Variants in NRAP observed in about 807,000 individuals in gnomAD.
NRAP encodes the protein nebulin-related-anchoring protein.
Under a neutral mutation model 225.9 loss-of-function variants are expected in NRAP, and 189 were observed. The ratio of observed to expected loss-of-function variants is 0.84; its 90% confidence interval spans 0.74 to 0.94. The LOEUF is 0.94. Among genes scored for constraint, NRAP ranks in the 40% least tolerant of loss-of-function variants. The probability of loss-of-function intolerance (pLI) is 0.00; values close to 1 mark genes in which losing one functional copy is unlikely to be tolerated. For synonymous variants in NRAP, 769 were observed against 790.7 expected, an observed-to-expected ratio of 0.97 and a Z score of 0.46; for missense variants, 2,176 against 2,168.7, an observed-to-expected ratio of 1.00 and a Z score of -0.07.
At chr10:113,635,444 T>C (rs1336673699) in intron 14 of NRAP, among the ~76,000 whole-genome samples, 2 of 152,222 alleles carry the variant, frequency 1.3e-5, no homozygotes, top group Non-Finnish European at 2.9e-5. Context: ...ATTTGTTATT[T>C]AGAGACAGAG....
chr10:113,649,078 G>T (rs1849772921), intron 9 of NRAP, among the ~76,000 whole-genome samples: 1 of 152,074 alleles, frequency 6.6e-6, no homozygotes, highest in Admixed American at 6.5e-5. Context: ...AGCACTAAAA[G>T]ACCACTTAAT....
At chr10:113,641,808 A>G (rs3121469) in intron 12 of NRAP, among the ~76,000 whole-genome samples, 83,729 of 151,528 alleles carry the variant, frequency 0.55, 24,327 homozygotes, top group East Asian at 0.73. Flanking sequence ...ACCATGAGAC[A>G]GTGGCAGGCA....
At chr10:113,600,550 A>C (rs1592734336) in intron 35 of NRAP, among the ~76,000 whole-genome samples, 1 of 152,212 alleles carries the variant, frequency 6.6e-6, no homozygotes, top group Non-Finnish European at 1.5e-5. Flanking sequence ...CAGCAGAGCC[A>C]CCAGCTGCCA....
At position 113,622,028 on chromosome 10, in the gene NRAP, T is replaced by C; in HGVS notation, c.2610A>G (p.Gln870=). Reference sequence around the variant, plus strand: ...GGACCATGTCCAGGGAGACGTGGCATTGGGATTTGGTGTCCTCGAATCCCT... The same window carrying C: ...GGACCATGTCCAGGGAGACGTGGCACTGGGATTTGGTGTCCTCGAATCCCT... ...YKKGFEDTKS[Q]CHVSLDMVHL... is the part of the protein sequence containing the mutation. The change falls in exon 24 of 42, where the codon CAA becomes CAG. Residue 870 remains glutamine, a synonymous_variant. Coordinates refer to ENST00000359988, the MANE Select transcript of NRAP (RefSeq NM_198060.4). 6.2e-7 allele frequency: 1 copy of C among 1,614,222 alleles called. No individual in the cohort carries two copies. The highest frequency in any genetic ancestry group is 8.5e-7 in the Non-Finnish European group (1 of 1,180,030).
intron 7 of NRAP, among the ~76,000 whole-genome samples, chr10:113,650,856 T>A (rs1185850867): frequency 6.6e-6 from 1 of 152,224 alleles, no homozygotes; most frequent in Non-Finnish European, 1.5e-5. Context: ...GTCAGCCATT[T>A]TTGGGAGACA....
chr10:113,656,740 T>C (rs1592877509), intron 4 of NRAP, among the ~76,000 whole-genome samples: 1 of 152,304 alleles, frequency 6.6e-6, no homozygotes, highest in African/African-American at 2.4e-5. Context: ...AATGGTAGCA[T>C]GTCCAAATGT....
At chr10:113,631,374 A>T in intron 18 of NRAP, 135 bp downstream of exon 18, 1 of 607,410 alleles carries the variant, frequency 1.6e-6, no homozygotes, top group East Asian at 2.8e-5. Context: ...CAAACTTCTT[A>T]TGCAAGCCAG....
Position 113,640,235 on chromosome 10 carries a change from A to G in NRAP, c.1420T>C (p.Leu474=). The part of the protein sequence containing the change: ...SYQTAMKLVP[L]KDANYRQSID... ...GTTGGAAAAGAACTTACATCTTTCA[A>G]GGGCACCAGTTTCATAGCTGTTTGA... Residue 474 remains leucine, a synonymous_variant, in exon 14 of 42, where the codon TTG becomes CTG. Coordinates refer to ENST00000359988, the MANE Select transcript of NRAP (RefSeq NM_198060.4). 1 of 1,589,138 alleles carries G rather than the reference A, an allele frequency of 6.3e-7. No homozygotes were observed.
rs551469185 is a variant in NRAP, at chr10:113,636,059, C to G, written c.1429-1849G>C. ...TGAGCTCCCCCGGCTTGGCTCAAAG[C>G]GACAGGATCACCACTGAACACCTCA... On this transcript the variant is annotated intron_variant, in intron 14 of 41. Coordinates refer to ENST00000359988, the MANE Select transcript of NRAP (RefSeq NM_198060.4). 2.6e-5 allele frequency among the ~76,000 whole-genome samples: 4 copies of G among 152,216 alleles called. No individual in the cohort carries two copies. In the East Asian group the frequency reaches 5.8e-4, roughly 22 times the overall value.
chr10:113,663,485 T>TC, intron 1 of NRAP, 39 bp from the exon 2 acceptor site: 1 of 1,239,904 alleles, frequency 8.1e-7, no homozygotes, highest in Non-Finnish European at 1.2e-6. Flanking sequence ...ATTACCCTTT[T>TC]CCCCCCAGAC....
At chr10:113,654,369 C>A (rs1390967937) in intron 4 of NRAP, among the ~76,000 whole-genome samples, 1 of 152,076 alleles carries the variant, frequency 6.6e-6, no homozygotes, top group Non-Finnish European at 1.5e-5. Flanking sequence ...TTTTCTTGCA[C>A]ACCATTGCAT....
rs999876918 is a variant in NRAP at position 113,615,660 on chromosome 10, A to T, written c.3078+52T>A. 3.0e-6 allele frequency: 3 copies of T among 998,590 alleles called. No homozygotes were observed. In the African/African-American group the frequency reaches 4.7e-5, roughly 16 times the overall value. The allele number at this position is 998,590 out of a possible 1,614,324, so 61.9% of individuals were successfully genotyped here. A position where few individuals can be genotyped will look rare whatever the true frequency, so the allele number is the denominator to read the frequency against. On this transcript the variant is annotated intron_variant, in intron 27 of 41. Coordinates refer to ENST00000359988, the MANE Select transcript of NRAP (RefSeq NM_198060.4). The stretch of plus-strand genomic sequence containing the variant: ...ACAGGGCATTGTGTGCCTGCCCATG[A>T]CCAGCCCCGCTCTCCCGTCATTAAA...
At chr10:113,631,425 C>A in intron 18 of NRAP, 84 bp downstream of exon 18, 1 of 721,720 alleles carries the variant, frequency 1.4e-6, no homozygotes, top group South Asian at 1.9e-5. Context: ...AAAAAGGTTA[C>A]AGTCCCAGGT....
rs987842522 is a variant in NRAP, at chr10:113,589,687, G to A, written c.5067C>T (p.Gly1689=). The change falls in exon 41 of 42, where the codon GGC becomes GGT. Residue 1689 remains glycine (G), a synonymous_variant. Transcript: ENST00000359988. ...RRAAELANAR[G]LGLQGAYRGA... ...TCACGTAAGCTCCCTGGAGACCCAGGCCCCTTGCGTTGGCCAGTTCCGCAG... is the reference window on the plus strand; with the variant it reads ...TCACGTAAGCTCCCTGGAGACCCAGACCCCTTGCGTTGGCCAGTTCCGCAG... The A allele has an allele frequency of 1.2e-6, 2 of 1,614,072 alleles. No homozygotes were observed. The highest frequency in any genetic ancestry group is 3.3e-5 in the Admixed American group (2 of 60,020).
intron 35 of NRAP, among the ~76,000 whole-genome samples, 167 bp from the exon 36 acceptor site, chr10:113,598,240 A>G (rs887671628): frequency 2.0e-5 from 3 of 149,410 alleles, no homozygotes; most frequent in African/African-American, 7.4e-5. Context: ...AACTGTTTGA[A>G]TTTGTACATT....
At chr10:113,615,853 C>T (rs370171289) in intron 26 of NRAP, 37 bp from the exon 27 acceptor site, 4 of 1,150,050 alleles carry the variant, frequency 3.5e-6, no homozygotes, top group Non-Finnish European at 5.2e-6. Flanking sequence ...AAACCTAGAC[C>T]CCATTCCATG....
Position 113,663,449 on chromosome 10 carries a change from A to G in NRAP, c.73-3T>C. On this transcript the variant is annotated splice_region_variant and splice_polypyrimidine_tract_variant and intron_variant, in intron 1 of 41. Coordinates refer to ENST00000359988, the MANE Select transcript of NRAP (RefSeq NM_198060.4). ...TGAAAACAGGCTTTATGCCATATCT[A>G]GAAATCATATAGAGAAGATTTAGCA... The G allele has an allele frequency of 1.3e-6, 2 of 1,563,898 alleles. No homozygotes were observed. Among genetic ancestry groups the G allele is most frequent in the Non-Finnish European group, 8.8e-7 (1 of 1,134,392 alleles).
At chr10:113,650,173 T>C in intron 8 of NRAP, 32 bp from the exon 9 acceptor site, 1 of 1,378,278 alleles carries the variant, frequency 7.3e-7, no homozygotes, top group Non-Finnish European at 1.0e-6. Context: ...ACTCGGTGAA[T>C]TTGACTCCCA....
At chr10:113,608,831 C>T (rs1053301338) in intron 31 of NRAP, among the ~76,000 whole-genome samples, 4 of 152,196 alleles carry the variant, frequency 2.6e-5, no homozygotes, top group Admixed American at 6.5e-5. Flanking sequence ...CAGTGCTCCT[C>T]TACCTTGATG....
Sources: allele counts gnomAD v4.1 joint callset (sites outside exome capture counted in the v4.1 genomes callset), GRCh38; gene constraint gnomAD v4.1.1; transcripts MANE v1.5; gene names NCBI Gene and HGNC (gene_info 2026-07-23, HGNC 2026-07-21).